The following LIPI variants were observed in gnomAD, a reference collection of about 807,000 sequenced individuals.
LIPI encodes lipase I.
LIPI carries 59 observed loss-of-function variants against 50.6 expected under a neutral mutation model. The observed-to-expected ratio is 1.16, with a 90% CI of 0.94 to 1.45. The LOEUF (loss-of-function observed/expected upper bound fraction) is 1.45, where lower values mean the gene tolerates loss of function less well. Ranked by LOEUF, LIPI falls within the 40% of genes most tolerant of loss-of-function variation. LIPI has a pLI of 0.00. For synonymous variants in LIPI, 203 were observed against 178.2 expected, an observed-to-expected ratio of 1.14 and a Z score of -1.11; for missense variants, 586 against 536.3, an observed-to-expected ratio of 1.09 and a Z score of -0.92.
chr21:14,175,949 C>G (rs1412669524), intron 4 of LIPI, among the ~76,000 whole-genome samples: 2 of 151,988 alleles, frequency 1.3e-5, no homozygotes, highest in Admixed American at 6.6e-5. Context: ...GAGGCCGAGG[C>G]GGGCGGATCA....
At chr21:14,117,836 A>G (rs2016712699) in intron 9 of LIPI, among the ~76,000 whole-genome samples, 1 of 152,066 alleles carries the variant, frequency 6.6e-6, no homozygotes, top group Admixed American at 6.6e-5. Context: ...GTAAATTGAG[A>G]TGAAAAAGCA....
chr21:14,165,163 C>A, intron 6 of LIPI, 60 bp downstream of exon 6: 1 of 1,309,218 alleles, frequency 7.6e-7, no homozygotes, highest in South Asian at 1.2e-5. Context: ...GCAGAAAATA[C>A]TAACAATTAT....
At position 14,181,760 on chromosome 21, in the gene LIPI, T is replaced by C. The variant is rs758215638; in HGVS notation, c.641A>G (p.Asn214Ser). ...GGTAATAAATCCTGATTTGTTACCA[T>C]TGGAGTCAGAATGGATGACATCCAC... is the stretch of plus-strand genomic sequence containing the variant. ...KFVDVIHSDSNGLGIQEPLGH... is the reference protein window; with the variant it reads ...KFVDVIHSDSSGLGIQEPLGH... The change falls in exon 4 of 10, where the codon AAT becomes AGT. Residue 214 changes from asparagine to serine, a missense_variant and splice_region_variant. Physicochemically the swap from Asn to Ser is conservative, Grantham distance 46. Coordinates refer to ENST00000681601, the MANE Select transcript of LIPI (RefSeq NM_001302998.2). 12 of 1,576,754 alleles carry C rather than the reference T, an allele frequency of 7.6e-6. No homozygotes were observed. The highest frequency in any genetic ancestry group is 1.7e-5 in the Admixed American group (1 of 59,788).
intron 8 of LIPI, among the ~76,000 whole-genome samples, chr21:14,147,252 G>C (rs924827652): frequency 1.2e-4 from 19 of 152,032 alleles, no homozygotes; most frequent in Non-Finnish European, 2.2e-4. Context: ...GAAACTTTTA[G>C]TCACCCCACT....
chr21:14,146,780 T>C (rs933689295), intron 8 of LIPI, among the ~76,000 whole-genome samples: 5 of 126,430 alleles, frequency 4.0e-5, no homozygotes, highest in African/African-American at 1.6e-4. Context: ...CTATTTTTTT[T>C]TTTTTTTTTT....
intron 1 of LIPI, among the ~76,000 whole-genome samples, chr21:14,209,816 C>A (rs1239261973): frequency 2.0e-5 from 3 of 151,890 alleles, no homozygotes; most frequent in Admixed American, 6.6e-5. Flanking sequence ...GCCTAGACTT[C>A]AAATTTCTCT....
At chr21:14,210,336 G>A (rs2020330725) in intron 1 of LIPI, among the ~76,000 whole-genome samples, 1 of 152,068 alleles carries the variant, frequency 6.6e-6, no homozygotes, top group Non-Finnish European at 1.5e-5. Flanking sequence ...TACTGAATGA[G>A]AGCAAAAGTT....
intron 9 of LIPI, among the ~76,000 whole-genome samples, chr21:14,129,822 A>T (rs964423591): frequency 2.1e-5 from 3 of 145,166 alleles, no homozygotes; most frequent in African/African-American, 7.6e-5. Flanking sequence ...AAAAAAAAAA[A>T]GCTTATTTCT....
intron 9 of LIPI, among the ~76,000 whole-genome samples, chr21:14,126,666 G>A (rs1245448004): frequency 1.3e-5 from 2 of 152,092 alleles, no homozygotes; most frequent in South Asian, 2.1e-4. Flanking sequence ...TACAGATAAG[G>A]TTTAAGAGAG....
chr21:14,156,461 T>A (rs1234103999), intron 7 of LIPI, among the ~76,000 whole-genome samples: 3 of 151,758 alleles, frequency 2.0e-5, no homozygotes, highest in African/African-American at 7.2e-5. Flanking sequence ...GCTGGAAAAG[T>A]TAAGAAAGTA....
chr21:14,163,547 T>C (rs959564344), intron 6 of LIPI, 24 bp from the exon 7 acceptor site: 1 of 1,104,158 alleles, frequency 9.1e-7, no homozygotes, highest in Admixed American at 1.7e-5. Context: ...AATAGAACAT[T>C]AGAAATTGGA....
intron 9 of LIPI, among the ~76,000 whole-genome samples, chr21:14,110,724 T>C (rs566310499): frequency 6.6e-6 from 1 of 151,946 alleles, no homozygotes; most frequent in South Asian, 2.1e-4. Context: ...AGTGAAATCC[T>C]ACAGTCTTTG....
chr21:14,117,646 C>T (rs1014193766), intron 9 of LIPI, among the ~76,000 whole-genome samples: 1 of 152,102 alleles, frequency 6.6e-6, no homozygotes, highest in Non-Finnish European at 1.5e-5. Context: ...CTAAGAGAGG[C>T]CTTGTGAGGC....
intron 7 of LIPI, among the ~76,000 whole-genome samples, chr21:14,156,878 A>G (rs908919930): frequency 6.6e-6 from 1 of 151,902 alleles, no homozygotes; most frequent in Non-Finnish European, 1.5e-5. Context: ...GCTGTTGGTG[A>G]GAAATATGGA....
intron 7 of LIPI, among the ~76,000 whole-genome samples, chr21:14,155,650 G>T (rs2018248019): frequency 6.6e-6 from 1 of 151,912 alleles, no homozygotes; most frequent in Admixed American, 6.6e-5. Flanking sequence ...AGTCATGGAG[G>T]TCAAAAGAAA....
At chr21:14,171,696 A>C (rs1306955789) in intron 4 of LIPI, among the ~76,000 whole-genome samples, 1 of 151,912 alleles carries the variant, frequency 6.6e-6, no homozygotes, top group African/African-American at 2.4e-5. Flanking sequence ...CCTTCCTTAC[A>C]CCTTATACAA....
Position 14,108,988 on chromosome 21 carries a change from G to C in LIPI, c.*5C>G, listed in dbSNP as rs780350161. On this transcript the variant is annotated 3_prime_UTR_variant, in exon 10 of 10. Transcript: ENST00000681601. ...AAGCAAGTGCATTTGATGGAAGAAG[G>C]CATCTTATGTGTTCTTTGGTGTACA... 13 of 1,610,036 alleles carry C rather than the reference G, an allele frequency of 8.1e-6. No individual in the cohort carries two copies.
chr21:14,182,963 C>T (rs371459700), intron 3 of LIPI, among the ~76,000 whole-genome samples: 5 of 151,734 alleles, frequency 3.3e-5, no homozygotes, highest in African/African-American at 7.3e-5. Context: ...TCACAGAATT[C>T]GAAAAAACTA....
At chr21:14,134,776 A>AT (rs1212893694) in intron 9 of LIPI, among the ~76,000 whole-genome samples, 1 of 152,176 alleles carries the variant, frequency 6.6e-6, no homozygotes, top group East Asian at 1.9e-4. Flanking sequence ...CTCCCACCAT[A>AT]TACAAAGGTT....
Sources: allele counts gnomAD v4.1 joint callset (sites outside exome capture counted in the v4.1 genomes callset), GRCh38; gene constraint gnomAD v4.1.1; transcripts MANE v1.5; gene names NCBI Gene and HGNC (gene_info 2026-07-23, HGNC 2026-07-21).